OSBPL3: variants seen among roughly 807,000 people sequenced by gnomAD.
OSBPL3 encodes the protein oxysterol-binding protein-related protein 3.
OSBPL3 carries 65 observed loss-of-function variants against 120.1 expected under a neutral mutation model. That is an observed-to-expected ratio of 0.54 (90% CI 0.44 to 0.67). The LOEUF (loss-of-function observed/expected upper bound fraction) is 0.67, where lower values mean the gene tolerates loss of function less well. OSBPL3 is among the 30% of genes least tolerant of loss of function. OSBPL3 has a pLI of 0.00. For missense variants in OSBPL3, 1,004 were observed against 1,082.1 expected (o/e 0.93, Z 1.01); for synonymous variants, 416 against 402.6 (o/e 1.03, Z -0.40).
intron 1 of OSBPL3, among the ~76,000 whole-genome samples, chr7:24,978,949 C>G (rs771497814): frequency 1.3e-5 from 2 of 152,210 alleles, no homozygotes; most frequent in Admixed American, 6.5e-5. Context: ...GGAAGGGCGG[C>G]GCGCCCCTGC....
At chr7:24,979,813 C>T in intron 1 of OSBPL3, 73 bp downstream of exon 1, 2 of 870,866 alleles carry the variant, frequency 2.3e-6, no homozygotes, top group Non-Finnish European at 2.8e-6. Context: ...CAAACAGCAG[C>T]CCTTCCGAGC....
chr7:24,888,797 G>C, intron 2 of OSBPL3, among the ~76,000 whole-genome samples: 1 of 152,174 alleles, frequency 6.6e-6, no homozygotes, highest in Non-Finnish European at 1.5e-5. Flanking sequence ...TTTAAGTTCA[G>C]TTCAAGAAAC....
At position 24,959,405 on chromosome 7, in the gene OSBPL3, C is replaced by T. The variant is rs1815461522; in HGVS notation, c.-150+20481G>A. 6.6e-6 allele frequency among the ~76,000 whole-genome samples: 1 copy of T among 152,028 alleles called. No homozygotes were observed. The highest frequency in any genetic ancestry group is 1.5e-5 in the Non-Finnish European group (1 of 67,970). On this transcript the variant is annotated intron_variant, in intron 1 of 22. Coordinates refer to ENST00000313367, the MANE Select transcript of OSBPL3 (RefSeq NM_015550.4). This position sits in a 1 kb window ranked among gnomAD's most constrained non-coding sequence, Gnocchi z 4.3. The stretch of plus-strand genomic sequence containing the variant: ...CGATTCTAACAGCAATAGGAATAAA[C>T]AAACTAAAAACCACACATCAAAATA...
chr7:24,889,092 G>C (rs1804948912), intron 2 of OSBPL3, among the ~76,000 whole-genome samples: 1 of 152,130 alleles, frequency 6.6e-6, no homozygotes, highest in South Asian at 2.1e-4. Flanking sequence ...CTTTGTGTCT[G>C]TGTGATAAAG....
At position 24,892,442 on chromosome 7, in the gene OSBPL3, A is replaced by T. The variant is rs150433842; in HGVS notation, c.31T>A (p.Ser11Thr). The change falls in exon 2 of 23, where the codon TCC (serine) becomes ACC (threonine). Residue 11 changes from serine (S) to threonine (T), a missense_variant. This residue lies in a region of OSBPL3 where 255 missense variants were observed against 248.7 expected (regional missense o/e 1.03). Transcript: ENST00000313367. ...CTTGAAGGTGATACCAATTTTTGGG[A>T]CACACCAAGGTTCTTCTCATCACTC... is the stretch of plus-strand genomic sequence containing the variant. MMSDEKNLGV[S>T]QKLVSPSRST... The T allele has an allele frequency of 4.3e-6, 7 of 1,613,732 alleles. No homozygotes were observed. Among genetic ancestry groups the T allele is most frequent in the Non-Finnish European group, 5.1e-6 (6 of 1,179,794 alleles).
Position 24,872,663 on chromosome 7 carries a change from G to T in OSBPL3, c.97-594C>A, listed in dbSNP as rs553061057. 2.0e-5 allele frequency among the ~76,000 whole-genome samples: 3 copies of T among 152,202 alleles called. No homozygotes were observed. The South Asian group carries it at 6.2e-4, about 32-fold the overall frequency. ...CATCAAAAGTATATTTTTGCAACAAGAATTTTCACTTTTTTCCCAGAAATT... is the reference window on the plus strand; with the variant it reads ...CATCAAAAGTATATTTTTGCAACAATAATTTTCACTTTTTTCCCAGAAATT... On this transcript the variant is annotated intron_variant, in intron 2 of 22. Coordinates refer to ENST00000313367, the MANE Select transcript of OSBPL3 (RefSeq NM_015550.4). This position sits in a 1 kb window ranked among gnomAD's most constrained non-coding sequence, Gnocchi z 4.1.
In OSBPL3 at chr7:24,833,928, C is replaced by T. The variant is rs1242359985; in HGVS notation, c.1746+558G>A. ...GCCCAGTAGGGAAGAGAAGGCTTTT[C>T]TACGATTTTTTTTAAGTACTCTATA... On this transcript the variant is annotated intron_variant, in intron 15 of 22. Transcript: ENST00000313367. This position sits in a 1 kb window ranked among gnomAD's most constrained non-coding sequence, Gnocchi z 4.4. Among the ~76,000 whole-genome samples, 2 of 152,048 alleles carry T rather than the reference C, an allele frequency of 1.3e-5. No individual in the cohort carries two copies. Among genetic ancestry groups the T allele is most frequent in the Admixed American group, 1.3e-4 (2 of 15,254 alleles).
rs894281375 is a variant in OSBPL3, at chr7:24,851,110, G to C, written c.1158+1394C>G. On this transcript the variant is annotated intron_variant, in intron 11 of 22. Transcript: ENST00000313367. This position sits in a 1 kb window ranked among gnomAD's most constrained non-coding sequence, Gnocchi z 4.1. ...CAGGGAGAGGAAGATCATGGGGAGA[G>C]GGACCTTGGAAGCCCATCAGAGATA... is the stretch of plus-strand genomic sequence containing the variant. 2.0e-5 allele frequency among the ~76,000 whole-genome samples: 3 copies of C among 152,116 alleles called. No homozygotes were observed.
In OSBPL3 at chr7:24,834,086, C is replaced by A. The variant is rs1406472634; in HGVS notation, c.1746+400G>T. On this transcript the variant is annotated intron_variant, in intron 15 of 22. Coordinates refer to ENST00000313367, the MANE Select transcript of OSBPL3 (RefSeq NM_015550.4). This position sits in a 1 kb window ranked among gnomAD's most constrained non-coding sequence, Gnocchi z 5.2. ...CACAAACATTCTCAGGGGAAACTTA[C>A]CCTGGATGAGAAAAACAGCTCGAGA... 4.8e-5 allele frequency: 48 copies of A among 992,342 alleles called. No individual in the cohort carries two copies. Among genetic ancestry groups the A allele is most frequent in the Admixed American group, 6.1e-5 (1 of 16,410 alleles). The allele number at this position is 992,342 out of a possible 1,614,324, so 61.5% of individuals were successfully genotyped here.
At chr7:24,839,853 G>T (rs1426959462) in intron 14 of OSBPL3, among the ~76,000 whole-genome samples, 1 of 151,726 alleles carries the variant, frequency 6.6e-6, no homozygotes, top group Non-Finnish European at 1.5e-5. Context: ...AGCTGGGCAT[G>T]GTGGTGCGTG....
In OSBPL3 at chr7:24,865,479, G is replaced by T; in HGVS notation, c.550-14C>A. 1 of 1,612,076 alleles carries T rather than the reference G, an allele frequency of 6.2e-7. No homozygotes were observed. Among genetic ancestry groups the T allele is most frequent in the South Asian group, 1.1e-5 (1 of 90,774 alleles). On this transcript the variant is annotated splice_polypyrimidine_tract_variant and intron_variant, in intron 6 of 22. Coordinates refer to ENST00000313367, the MANE Select transcript of OSBPL3 (RefSeq NM_015550.4). Reference sequence around the variant, plus strand: ...TATACTGCTACGCTGTTCCACGGATGACAAAAGCACATTGTAAATGGAAAC... The same window carrying T: ...TATACTGCTACGCTGTTCCACGGATTACAAAAGCACATTGTAAATGGAAAC...
intron 1 of OSBPL3, among the ~76,000 whole-genome samples, chr7:24,902,096 T>C (rs1198870125): frequency 4.6e-5 from 7 of 152,240 alleles, no homozygotes; most frequent in East Asian, 1.9e-4. Flanking sequence ...ATGGGAATAA[T>C]TAAAGGATCT....
Position 24,834,402 on chromosome 7 carries a change from G to T in OSBPL3, c.1746+84C>A. The T allele has an allele frequency of 6.5e-7, 1 of 1,542,300 alleles. No individual in the cohort carries two copies. The highest frequency in any genetic ancestry group is 8.7e-7 in the Non-Finnish European group (1 of 1,145,646). On this transcript the variant is annotated intron_variant, in intron 15 of 22. Transcript: ENST00000313367. The surrounding 1 kb of genome is among the most constrained non-coding windows in gnomAD (Gnocchi z 5.2). ...CAAAATGAAACCGGAGGGAACAGGG[G>T]CTGTCTCTCTGATGGGCCCCGTGAA...
Position 24,933,948 on chromosome 7 carries a change from T to G in OSBPL3, c.-149-41327A>C, listed in dbSNP as rs1398761783. The stretch of plus-strand genomic sequence containing the variant: ...TCAGTTTAGTCTATAAATACCTTTA[T>G]AGATGACATTAGAAAAGCAAAGTTT... On this transcript the variant is annotated intron_variant, in intron 1 of 22. Coordinates refer to ENST00000313367, the MANE Select transcript of OSBPL3 (RefSeq NM_015550.4). The surrounding 1 kb of genome is among the most constrained non-coding windows in gnomAD (Gnocchi z 5.1). Among the ~76,000 whole-genome samples the G allele has an allele frequency of 1.3e-5, 2 of 152,200 alleles. No homozygotes were observed. Among genetic ancestry groups the G allele is most frequent in the African/African-American group, 4.8e-5 (2 of 41,460 alleles).
At position 24,953,496 on chromosome 7, in the gene OSBPL3, T is replaced by G. The variant is rs927430752; in HGVS notation, c.-150+26390A>C. On this transcript the variant is annotated intron_variant, in intron 1 of 22. Transcript: ENST00000313367. This position sits in a 1 kb window ranked among gnomAD's most constrained non-coding sequence, Gnocchi z 4.3. The stretch of plus-strand genomic sequence containing the variant: ...TTGTAATCAGACTTGAATAATCATC[T>G]TAAATAAAAGTTTATTAATTGAACA... Among the ~76,000 whole-genome samples, 7 of 152,260 alleles carry G rather than the reference T, an allele frequency of 4.6e-5. No homozygotes were observed. The highest frequency in any genetic ancestry group is 1.7e-4 in the African/African-American group (7 of 41,462).
intron 13 of OSBPL3, among the ~76,000 whole-genome samples, chr7:24,841,223 T>C (rs1797698678): frequency 6.6e-6 from 1 of 152,108 alleles, no homozygotes. Context: ...TAATAACTCT[T>C]ATTCAGGAAA....
chr7:24,907,682 T>C (rs889576718), intron 1 of OSBPL3, among the ~76,000 whole-genome samples: 5 of 152,236 alleles, frequency 3.3e-5, no homozygotes, highest in African/African-American at 7.2e-5. Context: ...ACTTTCAGCA[T>C]TGCCTTTTCC....
rs70942886 is a variant in OSBPL3 at position 24,841,717 on chromosome 7, A to AAAAAAAAAAAAAAAAAAAAAAG, written c.1401+561_1401+562insCTTTTTTTTTTTTTTTTTTTTT. Among the ~76,000 whole-genome samples, 378 of 82,758 alleles carry AAAAAAAAAAAAAAAAAAAAAAG rather than the reference A, an allele frequency of 4.6e-3. 74 individuals carry two copies. The highest frequency in any genetic ancestry group is 6.2e-3 in the Non-Finnish European group (273 of 44,158). The allele number at this position is 82,758 out of a possible 152,430, so 54.3% of individuals were successfully genotyped here. ...CTCAAAAAAAAAAAAAAAAAAAAAAAAAAAGAGGCCAGGCACAGTGGCTCA... is the reference window on the plus strand; with the variant it reads ...CTCAAAAAAAAAAAAAAAAAAAAAAAAAAAAAAAAAAAAAAAAAAAAGAAAAGAGGCCAGGCACAGTGGCTCA... On this transcript the variant is annotated intron_variant, in intron 13 of 22. Coordinates refer to ENST00000313367, the MANE Select transcript of OSBPL3 (RefSeq NM_015550.4).
intron 1 of OSBPL3, among the ~76,000 whole-genome samples, chr7:24,963,812 C>T (rs1816067286): frequency 6.6e-6 from 1 of 152,060 alleles, no homozygotes; most frequent in Non-Finnish European, 1.5e-5. Context: ...GGTAGTAAAC[C>T]ATGTAGTGGG....
Sources: gnomAD v4.1 joint callset for allele counts (sites outside exome capture counted in the v4.1 genomes callset) on GRCh38, gnomAD v4.1.1 for gene constraint, gnomAD v4.1.1 regional missense constraint, Gnocchi (gnomAD v3.1) non-coding constraint, MANE v1.5 for transcripts, NCBI Gene and HGNC (gene_info 2026-07-23, HGNC 2026-07-21) for gene names.